ITGA8: variants seen among roughly 807,000 people sequenced by gnomAD.
The protein encoded by ITGA8 is integrin alpha-8.
ITGA8 carries 91 observed loss-of-function variants against 142.3 expected under a neutral mutation model. The ratio of observed to expected loss-of-function variants is 0.64; its 90% CI spans 0.54 to 0.76. The LOEUF is 0.76. ITGA8 is among the 30% of genes least tolerant of loss of function. The pLI is 0.00. For missense variants in ITGA8, 1,406 were observed against 1,327.7 expected (o/e 1.06, Z -0.92); for synonymous variants, 505 against 485.2 (o/e 1.04, Z -0.54).
intron 22 of ITGA8, among the ~76,000 whole-genome samples, 183 bp downstream of exon 22, chr10:15,592,042 A>G (rs919616397): frequency 9.2e-5 from 14 of 152,108 alleles, no homozygotes; most frequent in African/African-American, 3.1e-4. Context: ...CTTTTTCAAA[A>G]CCCCTAAAAT....
rs757571606 is a variant in ITGA8, at chr10:15,597,277, T to C, written c.2141A>G (p.Glu714Gly). Residue 714 changes from glutamate to glycine, a missense_variant, in exon 21 of 30, where the codon GAG becomes GGG. Coordinates refer to ENST00000378076, the MANE Select transcript of ITGA8 (RefSeq NM_003638.3). ...NNKGFRPLSC[E>G]YKMENVTRMV... Reference sequence around the variant, plus strand: ...CCTGGTTACATTTTCCATCTTGTACTCACAGCTCAGTGGTCGAAATCCCTA... The same window carrying C: ...CCTGGTTACATTTTCCATCTTGTACCCACAGCTCAGTGGTCGAAATCCCTA... 10 of 1,614,038 alleles carry C rather than the reference T, an allele frequency of 6.2e-6. No homozygotes were observed. The highest frequency in any genetic ancestry group is 7.6e-6 in the Non-Finnish European group (9 of 1,179,938).
chr10:15,558,164 G>T lies in ITGA8; in HGVS notation c.2676C>A (p.Ala892=), dbSNP rs537111237. The change falls in exon 26 of 30, where the codon GCC becomes GCA. Residue 892 remains alanine, a synonymous_variant. Coordinates refer to ENST00000378076, the MANE Select transcript of ITGA8 (RefSeq NM_003638.3). The part of the protein sequence containing the change: ...ASPEDTPELS[A]FLRNSTIPHL... ...GAGGAATAGTAGAGTTTCGCAAAAA[G>T]GCGCTGAGCTCAGGGGTGTCCTCTG... 1.2e-6 allele frequency: 2 copies of T among 1,614,094 alleles called. No homozygotes were observed. The highest frequency in any genetic ancestry group is 2.7e-5 in the African/African-American group (2 of 74,946).
intron 2 of ITGA8, among the ~76,000 whole-genome samples, chr10:15,707,782 C>A (rs1176002521): frequency 6.7e-6 from 1 of 149,996 alleles, no homozygotes; most frequent in Non-Finnish European, 1.5e-5. Flanking sequence ...TAGATTGTGC[C>A]ACTACACTCC....
intron 8 of ITGA8, among the ~76,000 whole-genome samples, chr10:15,668,245 G>T (rs1334876963): frequency 1.3e-5 from 2 of 152,188 alleles, no homozygotes; most frequent in Non-Finnish European, 2.9e-5. Context: ...AGCTCTTCTT[G>T]TTGAATTGAT....
Position 15,646,878 on chromosome 10 carries a change from T to A in ITGA8, c.1175A>T (p.His392Leu), listed in dbSNP as rs139249793. Reference sequence around the variant, plus strand: ...TCCATCTTGGTTCAGGTCTCCTAAGTGTGCCATAGCACTACCGAATCTCCC... The same window carrying A: ...TCCATCTTGGTTCAGGTCTCCTAAGAGTGCCATAGCACTACCGAATCTCCC... Reference protein sequence around the residue: ...TFGRFGSAMAHLGDLNQDGYN... With the variant: ...TFGRFGSAMALLGDLNQDGYN... The change falls in exon 12 of 30, where the codon CAC (histidine) becomes CTC (leucine). Residue 392 changes from histidine (H) to leucine (L), a missense_variant. Transcript: ENST00000378076. The A allele has an allele frequency of 6.2e-7, 1 of 1,614,132 alleles. No individual in the cohort carries two copies. The highest frequency in any genetic ancestry group is 2.2e-5 in the East Asian group (1 of 44,886).
chr10:15,705,106 A>C (rs528022979), intron 2 of ITGA8, among the ~76,000 whole-genome samples: 39 of 152,228 alleles, frequency 2.6e-4, no homozygotes, highest in African/African-American at 9.4e-4. Flanking sequence ...GAAGATTAAC[A>C]CTCGAGAGGA....
At chr10:15,641,832 A>C (rs957072294) in intron 13 of ITGA8, among the ~76,000 whole-genome samples, 1 of 152,228 alleles carries the variant, frequency 6.6e-6, no homozygotes, top group African/African-American at 2.4e-5. Context: ...AGAAAAAGAC[A>C]TAATTAAGAG....
chr10:15,718,033 C>A (rs868458509), intron 2 of ITGA8, among the ~76,000 whole-genome samples: 2 of 152,294 alleles, frequency 1.3e-5, no homozygotes, highest in Admixed American at 6.5e-5. Context: ...CTTTTGAATT[C>A]ATAAAGTTTT....
intron 2 of ITGA8, among the ~76,000 whole-genome samples, chr10:15,697,891 A>G (rs1045436344): frequency 6.6e-6 from 1 of 152,134 alleles, no homozygotes; most frequent in African/African-American, 2.4e-5. Flanking sequence ...GAAAAATGGT[A>G]TTATATTTTC....
chr10:15,664,264 GA>G (rs34812553), intron 8 of ITGA8, among the ~76,000 whole-genome samples: 14,889 of 152,206 alleles, frequency 0.098, 922 homozygotes, highest in East Asian at 0.29. Flanking sequence ...CAGAGTCCAG[GA>G]CTCTTAAGCG....
At position 15,634,302 on chromosome 10, in the gene ITGA8, G is replaced by A. The variant is rs527510483; in HGVS notation, c.1399+9728C>T. On this transcript the variant is annotated intron_variant, in intron 13 of 29. Coordinates refer to ENST00000378076, the MANE Select transcript of ITGA8 (RefSeq NM_003638.3). ...CGTTATGCCCATATAGTAACAATAT[G>A]TCATTTATAACTAATATTTAGTGGC... is the stretch of plus-strand genomic sequence containing the variant. Among the ~76,000 whole-genome samples, 32 of 152,072 alleles carry A rather than the reference G, an allele frequency of 2.1e-4. 1 individual carries two copies. Among genetic ancestry groups the A allele is most frequent in the South Asian group, 2.1e-4 (1 of 4,798 alleles).
At chr10:15,717,053 A>C (rs1040112269) in intron 2 of ITGA8, among the ~76,000 whole-genome samples, 2 of 152,186 alleles carry the variant, frequency 1.3e-5, no homozygotes, top group African/African-American at 4.8e-5. Flanking sequence ...TCTGGTTTTT[A>C]ATCTGTTGGC....
At chr10:15,707,667 A>T (rs1588741889) in intron 2 of ITGA8, among the ~76,000 whole-genome samples, 1 of 152,020 alleles carries the variant, frequency 6.6e-6, no homozygotes, top group Non-Finnish European at 1.5e-5. Context: ...TACTAAAAAT[A>T]CAAAAATTAG....
At chr10:15,615,279 G>A (rs139735328) in intron 14 of ITGA8, among the ~76,000 whole-genome samples, 3 of 152,320 alleles carry the variant, frequency 2.0e-5, no homozygotes, top group Non-Finnish European at 4.4e-5. Flanking sequence ...GGTTTTGACT[G>A]TCTGATTCTC....
At chr10:15,634,801 C>T (rs921552020) in intron 13 of ITGA8, among the ~76,000 whole-genome samples, 1 of 151,778 alleles carries the variant, frequency 6.6e-6, no homozygotes, top group African/African-American at 2.4e-5. Context: ...TGGTGAAATT[C>T]GATAGAATTT....
intron 27 of ITGA8, among the ~76,000 whole-genome samples, chr10:15,538,028 A>C (rs1833483749): frequency 6.6e-6 from 1 of 152,266 alleles, no homozygotes. Context: ...AGTCCCAGAC[A>C]ATCAGAAGGC....
chr10:15,520,512 A>C (rs1336527682), intron 28 of ITGA8, among the ~76,000 whole-genome samples: 2 of 152,182 alleles, frequency 1.3e-5, no homozygotes, highest in African/African-American at 2.4e-5. Flanking sequence ...GAGGAAAATG[A>C]GACCTTCCCA....
At chr10:15,604,462 A>T (rs1365912385) in intron 19 of ITGA8, 107 bp from the exon 20 acceptor site, 1 of 817,774 alleles carries the variant, frequency 1.2e-6, no homozygotes, top group East Asian at 2.7e-5. Flanking sequence ...CAAGTGCAAA[A>T]AAAGAAGATG....
At chr10:15,537,322 C>T (rs190973016) in intron 27 of ITGA8, among the ~76,000 whole-genome samples, 37 of 152,262 alleles carry the variant, frequency 2.4e-4, no homozygotes, top group African/African-American at 8.4e-4. Flanking sequence ...GATTTGGCAC[C>T]TGACACTGAA....
Sources: gnomAD v4.1 joint callset for allele counts (sites outside exome capture counted in the v4.1 genomes callset) on GRCh38, gnomAD v4.1.1 for gene constraint, MANE v1.5 for transcripts, NCBI Gene and HGNC (gene_info 2026-07-23, HGNC 2026-07-21) for gene names.